PRKG2: variants seen among roughly 807,000 people sequenced by gnomAD.
The protein encoded by PRKG2 is cGMP-dependent protein kinase 2.
Under a neutral mutation model 97.2 loss-of-function variants are expected in PRKG2, and 33 were observed. That is an observed-to-expected ratio of 0.34 (90% confidence interval 0.26 to 0.45). The LOEUF is 0.45. Among genes scored for constraint, PRKG2 ranks in the 20% least tolerant of loss-of-function variants. The pLI, the probability that PRKG2 is intolerant of heterozygous loss-of-function variation, is 1.00. For missense variants in PRKG2, 638 were observed against 900.0 expected (o/e 0.71, Z 3.73); for synonymous variants, 330 against 321.8 (o/e 1.03, Z -0.27).
chr4:81,110,768 C>G (rs868096627), intron 14 of PRKG2, among the ~76,000 whole-genome samples, 157 bp from the exon 15 acceptor site: 61 of 120,042 alleles, frequency 5.1e-4, no homozygotes, highest in African/African-American at 2.1e-3. Context: ...GAGAGAGAGA[C>G]AGACAGACGG....
At chr4:81,099,359 C>T (rs1272803527) in intron 17 of PRKG2, among the ~76,000 whole-genome samples, 1 of 152,082 alleles carries the variant, frequency 6.6e-6, no homozygotes, top group Non-Finnish European at 1.5e-5. Context: ...AAAAGCTTAT[C>T]CACCATGATC....
At chr4:81,160,211 T>C (rs1749496736) in intron 6 of PRKG2, among the ~76,000 whole-genome samples, 1 of 152,200 alleles carries the variant, frequency 6.6e-6, no homozygotes, top group African/African-American at 2.4e-5. Context: ...GTCTTTGAAA[T>C]GAGTATTACA....
chr4:81,096,424 T>G (rs1198869911), intron 17 of PRKG2, among the ~76,000 whole-genome samples: 1 of 152,046 alleles, frequency 6.6e-6, no homozygotes, highest in African/African-American at 2.4e-5. Flanking sequence ...TAGTTCCAGC[T>G]ACTCAGGAGG....
intron 2 of PRKG2, among the ~76,000 whole-genome samples, chr4:81,190,728 A>T (rs1752412542): frequency 6.6e-6 from 1 of 152,180 alleles, no homozygotes; most frequent in Non-Finnish European, 1.5e-5. Flanking sequence ...AAATAACTGA[A>T]ACAAATCTAC....
chr4:81,206,238 CA>C (rs1753640513), intron 1 of PRKG2, among the ~76,000 whole-genome samples: 1 of 152,168 alleles, frequency 6.6e-6, no homozygotes, highest in African/African-American at 2.4e-5. Flanking sequence ...TATTTTTGCA[CA>C]TGCAGTTTTT....
intron 9 of PRKG2, 112 bp downstream of exon 9, chr4:81,148,772 G>T: frequency 1.1e-6 from 1 of 910,862 alleles, no homozygotes; most frequent in Non-Finnish European, 1.8e-6. Flanking sequence ...GCTGAGATCG[G>T]CCAGTATTTC....
chr4:81,089,409 G>T lies in PRKG2; in HGVS notation c.*299C>A. 1 of 262,884 alleles carries T rather than the reference G, an allele frequency of 3.8e-6. No individual in the cohort carries two copies. The highest frequency in any genetic ancestry group is 7.1e-6 in the Non-Finnish European group (1 of 140,548). 16.3% of individuals were successfully genotyped at this position (262,884 alleles called of 1,614,324 possible). A position where few individuals can be genotyped will look rare whatever the true frequency, so the allele number is the denominator to read the frequency against. ...TATGATTGGAATGGAACAATAGATT[G>T]CAGAAAAAACTGCCACTTTAACAAA... On this transcript the variant is annotated 3_prime_UTR_variant, in exon 19 of 19. Transcript: ENST00000264399.
chr4:81,153,952 C>T (rs997847177), intron 6 of PRKG2: 4 of 350,474 alleles, frequency 1.1e-5, no homozygotes, highest in South Asian at 1.1e-4. Context: ...TTGCCTCACT[C>T]AGCAAGCACA....
intron 17 of PRKG2, among the ~76,000 whole-genome samples, chr4:81,100,210 C>A (rs1742588083): frequency 6.6e-6 from 1 of 152,112 alleles, no homozygotes; most frequent in Non-Finnish European, 1.5e-5. Flanking sequence ...TTGGAAAAAA[C>A]TACTTTAAAG....
At chr4:81,177,899 C>T (rs1751074439) in intron 2 of PRKG2, among the ~76,000 whole-genome samples, 1 of 151,842 alleles carries the variant, frequency 6.6e-6, no homozygotes, top group African/African-American at 2.4e-5. Context: ...CTGACAGTCT[C>T]CTCAGCATTT....
chr4:81,139,930 G>T (rs1269704130), intron 12 of PRKG2, among the ~76,000 whole-genome samples: 1 of 152,120 alleles, frequency 6.6e-6, no homozygotes, highest in Non-Finnish European at 1.5e-5. Context: ...CATCTTGCAT[G>T]GAAAGTTTAA....
chr4:81,200,730 G>T (rs978720781), intron 2 of PRKG2, among the ~76,000 whole-genome samples: 1 of 152,120 alleles, frequency 6.6e-6, no homozygotes, highest in African/African-American at 2.4e-5. Flanking sequence ...CAATCTGTAA[G>T]GTTCCTATGG....
upstream of PRKG2, among the ~76,000 whole-genome samples, chr4:81,217,293 G>C (rs147479798): frequency 2.0e-5 from 3 of 152,088 alleles, no homozygotes; most frequent in Admixed American, 1.3e-4. Flanking sequence ...GAGTATGCAC[G>C]CACACTGGGT....
chr4:81,110,509 G>T lies in PRKG2; in HGVS notation c.1879C>A (p.His627Asn). ...GACCAGAAATCCACACTGAAGTCAT[G>T]TCCCTTGTTGAGAATGACTTCAGGA... is the stretch of plus-strand genomic sequence containing the variant. ...VAPEVILNKG[H>N]DFSVDFWSLG... The change falls in exon 15 of 19, where the codon CAT becomes AAT. Residue 627 changes from histidine to asparagine, a missense_variant. His to Asn is a moderately conservative substitution (Grantham distance 68, BLOSUM62 1). Transcript: ENST00000264399. The T allele has an allele frequency of 6.2e-7, 1 of 1,611,976 alleles. No individual in the cohort carries two copies. The highest frequency in any genetic ancestry group is 8.5e-7 in the Non-Finnish European group (1 of 1,179,840).
intron 2 of PRKG2, among the ~76,000 whole-genome samples, chr4:81,189,314 T>C (rs1428541447): frequency 7.7e-6 from 1 of 130,382 alleles, no homozygotes; most frequent in Non-Finnish European, 1.5e-5. Flanking sequence ...GATTTTGTCT[T>C]ATTTAATCTT....
At chr4:81,134,635 CA>C (rs1746494936) in intron 14 of PRKG2, among the ~76,000 whole-genome samples, 1 of 152,138 alleles carries the variant, frequency 6.6e-6, no homozygotes, top group Admixed American at 6.5e-5. Context: ...CAAAGATGGA[CA>C]GCCAGGAAAG....
At chr4:81,130,096 C>A (rs146474117) in intron 14 of PRKG2, among the ~76,000 whole-genome samples, 103 of 152,196 alleles carry the variant, frequency 6.8e-4, no homozygotes, top group African/African-American at 2.2e-3. Flanking sequence ...TGGGAATTTT[C>A]AGCCTTTTTG....
At chr4:81,120,871 T>G (rs1469584835) in intron 14 of PRKG2, among the ~76,000 whole-genome samples, 1 of 152,220 alleles carries the variant, frequency 6.6e-6, no homozygotes, top group African/African-American at 2.4e-5. Context: ...GCCTTATTCC[T>G]GATCTTAGTG....
At chr4:81,110,369 G>T in intron 15 of PRKG2, 79 bp downstream of exon 15, 1 of 1,443,998 alleles carries the variant, frequency 6.9e-7, no homozygotes, top group Non-Finnish European at 9.5e-7. Flanking sequence ...CGCTCTTAAA[G>T]TATATACACT....
Sources: allele counts gnomAD v4.1 joint callset (sites outside exome capture counted in the v4.1 genomes callset), GRCh38; gene constraint gnomAD v4.1.1; transcripts MANE v1.5; gene names NCBI Gene and HGNC (gene_info 2026-07-23, HGNC 2026-07-21).